The following CPQ variants were observed in gnomAD, a reference collection of about 807,000 sequenced individuals.
CPQ encodes Ser-Met dipeptidase.
Under a neutral mutation model 45.7 loss-of-function variants are expected in CPQ, and 37 were observed. The ratio of observed to expected loss-of-function variants is 0.81; its 90% CI spans 0.62 to 1.07. The LOEUF is 1.07. CPQ is among the 50% of genes least tolerant of loss of function. The pLI is 0.00. For missense variants in CPQ, 537 were observed against 572.9 expected (o/e 0.94, Z 0.64); for synonymous variants, 186 against 205.8 (o/e 0.90, Z 0.82).
chr8:96,846,974 C>T (rs1001130934), intron 3 of CPQ, among the ~76,000 whole-genome samples: 24 of 152,282 alleles, frequency 1.6e-4, no homozygotes, highest in African/African-American at 5.5e-4. Context: ...CAATGACTCT[C>T]AGTTTGGAGT....
chr8:96,859,147 A>G (rs1245992872), intron 3 of CPQ, among the ~76,000 whole-genome samples: 1 of 152,168 alleles, frequency 6.6e-6, no homozygotes, highest in African/African-American at 2.4e-5. Flanking sequence ...CCTTAATCCA[A>G]CAACTGACTA....
At chr8:97,131,733 A>G (rs1380963999) in intron 7 of CPQ, among the ~76,000 whole-genome samples, 1 of 152,182 alleles carries the variant, frequency 6.6e-6, no homozygotes, top group Non-Finnish European at 1.5e-5. Context: ...ATGAATTTCT[A>G]CTAGAGTCAT....
At chr8:97,061,817 C>G (rs886158642) in intron 6 of CPQ, among the ~76,000 whole-genome samples, 1 of 152,084 alleles carries the variant, frequency 6.6e-6, no homozygotes, top group Non-Finnish European at 1.5e-5. Flanking sequence ...TACTGTTTAC[C>G]AAGTGCTAGT....
intron 4 of CPQ, among the ~76,000 whole-genome samples, chr8:96,920,478 G>A (rs7002913): frequency 6.6e-6 from 1 of 151,900 alleles, no homozygotes; most frequent in Non-Finnish European, 1.5e-5. Context: ...TTCTGCCATT[G>A]TGCTAATTAG....
At chr8:96,981,603 T>C (rs1316043385) in intron 5 of CPQ, among the ~76,000 whole-genome samples, 1 of 152,220 alleles carries the variant, frequency 6.6e-6, no homozygotes, top group Non-Finnish European at 1.5e-5. Flanking sequence ...TTTTTGGTCA[T>C]AAATGAAGAG....
At chr8:96,953,515 C>T (rs1015953483) in intron 4 of CPQ, among the ~76,000 whole-genome samples, 3 of 152,108 alleles carry the variant, frequency 2.0e-5, no homozygotes, top group African/African-American at 7.2e-5. Context: ...GTAATATATT[C>T]TGCTGCTCTT....
chr8:96,943,865 G>C (rs1230955795), intron 4 of CPQ, among the ~76,000 whole-genome samples: 1 of 152,062 alleles, frequency 6.6e-6, no homozygotes, highest in Non-Finnish European at 1.5e-5. Flanking sequence ...CAAAGTAATA[G>C]TTATTTGTAT....
intron 7 of CPQ, among the ~76,000 whole-genome samples, chr8:97,079,739 T>C (rs1810914284): frequency 6.6e-6 from 1 of 152,124 alleles, no homozygotes; most frequent in African/African-American, 2.4e-5. Flanking sequence ...TTCACCTGAT[T>C]ATCAGGAAAT....
At chr8:96,688,475 T>C (rs1248153580) in intron 1 of CPQ, among the ~76,000 whole-genome samples, 2 of 152,188 alleles carry the variant, frequency 1.3e-5, no homozygotes, top group African/African-American at 2.4e-5. Context: ...TTATATCTTA[T>C]CACACTTTGT....
intron 3 of CPQ, among the ~76,000 whole-genome samples, chr8:96,872,262 T>C (rs918670080): frequency 1.3e-5 from 2 of 151,926 alleles, no homozygotes; most frequent in Non-Finnish European, 2.9e-5. Flanking sequence ...TTTCTGATAA[T>C]TCTGTGCATG....
intron 3 of CPQ, among the ~76,000 whole-genome samples, chr8:96,877,411 A>G (rs1812160754): frequency 6.6e-6 from 1 of 152,202 alleles, no homozygotes. Context: ...AACACTACTT[A>G]AAAGAGCCTG....
At chr8:97,028,218 T>G (rs1809834318) in intron 5 of CPQ, among the ~76,000 whole-genome samples, 1 of 152,240 alleles carries the variant, frequency 6.6e-6, no homozygotes, top group Non-Finnish European at 1.5e-5. Context: ...CATGAAAAAC[T>G]GTAGCTCCTC....
At chr8:97,142,086 G>C (rs1185860225) in intron 7 of CPQ, among the ~76,000 whole-genome samples, 1 of 152,074 alleles carries the variant, frequency 6.6e-6, no homozygotes, top group Non-Finnish European at 1.5e-5. Context: ...CAAGATACTG[G>C]TGATATCATT....
intron 2 of CPQ, among the ~76,000 whole-genome samples, chr8:96,813,372 C>G (rs1811183681): frequency 6.6e-6 from 1 of 152,162 alleles, no homozygotes; most frequent in African/African-American, 2.4e-5. Context: ...ACTGTCTACA[C>G]TGACAGTCTT....
chr8:96,891,208 A>G (rs1349971465), intron 4 of CPQ, among the ~76,000 whole-genome samples: 2 of 152,236 alleles, frequency 1.3e-5, no homozygotes, highest in African/African-American at 2.4e-5. Flanking sequence ...AAGACATTCC[A>G]TGAATCCATG....
chr8:96,905,785 A>C (rs2130900386), intron 4 of CPQ, among the ~76,000 whole-genome samples: 1 of 147,956 alleles, frequency 6.8e-6, no homozygotes, highest in East Asian at 2.0e-4. Context: ...AAAAAAAAAG[A>C]CTGGTAAACC....
intron 4 of CPQ, among the ~76,000 whole-genome samples, chr8:96,890,041 C>T (rs1249717626): frequency 1.3e-5 from 2 of 152,150 alleles, no homozygotes; most frequent in Non-Finnish European, 2.9e-5. Flanking sequence ...ATACACATCT[C>T]CTGAAATCGT....
chr8:96,878,879 C>G (rs181165872), intron 3 of CPQ, among the ~76,000 whole-genome samples: 216 of 152,288 alleles, frequency 1.4e-3, no homozygotes, highest in Middle Eastern at 6.8e-3. Flanking sequence ...AGTTTTTAGC[C>G]TATGCTTTAA....
At chr8:97,056,036 C>A (rs1322783662) in intron 6 of CPQ, among the ~76,000 whole-genome samples, 1 of 152,038 alleles carries the variant, frequency 6.6e-6, no homozygotes, top group Non-Finnish European at 1.5e-5. Context: ...GAAGCCAAAG[C>A]TGCAGTGAGC....
Sources: allele counts gnomAD v4.1 joint callset (sites outside exome capture counted in the v4.1 genomes callset), GRCh38; gene constraint gnomAD v4.1.1; transcripts MANE v1.5; gene names NCBI Gene and HGNC (gene_info 2026-07-23, HGNC 2026-07-21).